Variants in HDX observed in about 807,000 individuals in gnomAD.
HDX encodes highly divergent homeobox.
A neutral mutation model predicts 45.2 loss-of-function variants in HDX; 19 were observed. The ratio of observed to expected loss-of-function variants is 0.42; its 90% CI spans 0.29 to 0.62. The LOEUF is 0.62. HDX is among the 20% of genes least tolerant of loss of function. HDX has a pLI of 0.20. For missense variants in HDX, 532 were observed against 493.9 expected, an observed-to-expected ratio of 1.08 and a Z score of -0.73; for synonymous variants, 188 against 172.8, an observed-to-expected ratio of 1.09 and a Z score of -0.69.
chrX:84,425,099 G>A, intron 5 of HDX, among the ~76,000 whole-genome samples: 2 of 110,596 alleles, frequency 1.8e-5, no homozygotes. Flanking sequence ...AATATATAAG[G>A]AGCTCAGACA....
intron 4 of HDX, among the ~76,000 whole-genome samples, chrX:84,441,847 A>G (rs2039767393): frequency 9.0e-6 from 1 of 111,479 alleles, no homozygotes. Flanking sequence ...CAAGTTCAAT[A>G]CATTCTCATT....
At chrX:84,420,867 AAAAC>A (rs928811789) in intron 5 of HDX, among the ~76,000 whole-genome samples, 3 of 111,993 alleles carry the variant, frequency 2.7e-5, no homozygotes, top group African/African-American at 6.5e-5. Flanking sequence ...GGAAAAAACA[AAAAC>A]AAACAAACAA....
At chrX:84,434,910 T>C (rs937110146) in intron 5 of HDX, among the ~76,000 whole-genome samples, 7 of 111,343 alleles carry the variant, frequency 6.3e-5, no homozygotes, top group Non-Finnish European at 1.3e-4. Flanking sequence ...GTCATATGTA[T>C]CCAGAAATTT....
At chrX:84,431,911 C>T (rs1391188629) in intron 5 of HDX, among the ~76,000 whole-genome samples, 1 of 111,151 alleles carries the variant, frequency 9.0e-6, no homozygotes. Context: ...AGTCTTTGCT[C>T]AGTCCTATGT....
Position 84,468,869 on chromosome X carries a change from T to C in HDX, c.854A>G (p.Lys285Arg), listed in dbSNP as rs373071110. 10 of 1,211,618 alleles carry C rather than the reference T, an allele frequency of 8.3e-6. No homozygotes were observed. The Admixed American group carries it at 2.2e-4, about 26-fold the overall frequency. ...ACAATTTCCTTCTGCTGAGCTAGGC[T>C]TCTGTGGGGCATTTCCTCCCAGAAT... Reference protein sequence around the residue: ...QRILGGNAPQKPSSAEGNCLS... With the variant: ...QRILGGNAPQRPSSAEGNCLS... The change falls in exon 4 of 11, where the codon AAG (lysine) becomes AGG (arginine). Residue 285 changes from lysine (K) to arginine (R), a missense_variant. Lys to Arg is a conservative substitution (Grantham distance 26). Coordinates refer to ENST00000373177, the MANE Select transcript of HDX (RefSeq NM_001177479.2).
At chrX:84,361,384 T>C (rs1393824645) in intron 6 of HDX, 82 bp downstream of exon 6, 1 of 859,641 alleles carries the variant, frequency 1.2e-6, no homozygotes, top group Non-Finnish European at 1.7e-6. Context: ...TAGCATTGCT[T>C]GGAGCACCTC....
At chrX:84,480,974 G>C (rs1227725687) in intron 2 of HDX, among the ~76,000 whole-genome samples, 1 of 110,992 alleles carries the variant, frequency 9.0e-6, no homozygotes, top group Non-Finnish European at 1.9e-5. Flanking sequence ...TGAACATGGA[G>C]TTTTCTTTGT....
chrX:84,429,893 T>G (rs1485852004), intron 5 of HDX, among the ~76,000 whole-genome samples: 1 of 110,726 alleles, frequency 9.0e-6, no homozygotes, highest in African/African-American at 3.3e-5. Flanking sequence ...AGCTGTATAT[T>G]TAAATAGACA....
intron 5 of HDX, among the ~76,000 whole-genome samples, chrX:84,407,383 C>T (rs2038854659): frequency 9.0e-6 from 1 of 111,198 alleles, no homozygotes; most frequent in African/African-American, 3.3e-5. Flanking sequence ...GGGCAAAGGA[C>T]ATTATCTTGT....
chrX:84,359,223 A>G (rs748998684), intron 6 of HDX, among the ~76,000 whole-genome samples: 33 of 110,620 alleles, frequency 3.0e-4, no homozygotes, highest in Non-Finnish European at 5.5e-4. Context: ...ATACATGTGC[A>G]GGACCTGCAG....
At chrX:84,418,662 T>G (rs6623024) in intron 5 of HDX, among the ~76,000 whole-genome samples, 28,532 of 109,236 alleles carry the variant, frequency 0.26, 2,913 homozygotes, top group East Asian at 0.68. Flanking sequence ...GTAAAAAGAG[T>G]CCAGTAAGCT....
At chrX:84,338,988 A>G (rs1052100797) in intron 7 of HDX, among the ~76,000 whole-genome samples, 2 of 111,260 alleles carry the variant, frequency 1.8e-5, no homozygotes, top group East Asian at 5.7e-4. Context: ...GAAGCCAGCA[A>G]CATGCTTCCT....
At chrX:84,343,790 C>T (rs2037139218) in intron 7 of HDX, among the ~76,000 whole-genome samples, 1 of 110,896 alleles carries the variant, frequency 9.0e-6, no homozygotes. Context: ...GACTAATTCT[C>T]TTTAGCAGAT....
At chrX:84,402,712 G>A (rs1248035025) in intron 5 of HDX, among the ~76,000 whole-genome samples, 1 of 111,450 alleles carries the variant, frequency 9.0e-6, no homozygotes, top group Non-Finnish European at 1.9e-5. Context: ...GAATGTAATT[G>A]CTGAATCATA....
chrX:84,459,785 AC>A (rs1405540729), intron 4 of HDX, among the ~76,000 whole-genome samples: 1 of 111,760 alleles, frequency 8.9e-6, no homozygotes, highest in African/African-American at 3.2e-5. Context: ...AAATTGACAA[AC>A]CTTTAGCGAG....
chrX:84,434,528 T>C (rs2039578059), intron 5 of HDX, among the ~76,000 whole-genome samples: 1 of 111,849 alleles, frequency 8.9e-6, no homozygotes, highest in South Asian at 3.7e-4. Flanking sequence ...AAATCTCATT[T>C]GATCATGGCA....
At chrX:84,323,277 G>A (rs1253635609) in intron 10 of HDX, among the ~76,000 whole-genome samples, 3 of 111,138 alleles carry the variant, frequency 2.7e-5, no homozygotes, top group African/African-American at 9.8e-5. Flanking sequence ...TGCTTTCTAA[G>A]TGGCTAGATT....
intron 4 of HDX, among the ~76,000 whole-genome samples, chrX:84,444,694 G>A (rs985545511): frequency 1.2e-4 from 13 of 111,284 alleles, no homozygotes; most frequent in Non-Finnish European, 2.3e-4. Context: ...GATACACAAC[G>A]AAAATAATGC....
At chrX:84,330,531 T>C (rs1484457662) in intron 9 of HDX, among the ~76,000 whole-genome samples, 1 of 111,761 alleles carries the variant, frequency 8.9e-6, no homozygotes, top group East Asian at 2.8e-4. Context: ...TTTAGGCCTT[T>C]GCTTTATTAG....
Sources: gnomAD v4.1 joint callset for allele counts (sites outside exome capture counted in the v4.1 genomes callset) on GRCh38, gnomAD v4.1.1 for gene constraint, MANE v1.5 for transcripts, NCBI Gene and HGNC (gene_info 2026-07-23, HGNC 2026-07-21) for gene names.